PDE4D: variants seen among roughly 807,000 people sequenced by gnomAD.
The protein encoded by PDE4D is 3',5'-cyclic-AMP phosphodiesterase 4D.
PDE4D carries 24 observed loss-of-function variants against 87.4 expected under a neutral mutation model. That is an observed-to-expected ratio of 0.27 (90% confidence interval 0.20 to 0.39). The LOEUF (loss-of-function observed/expected upper bound fraction) is 0.39, where lower values mean the gene tolerates loss of function less well. Ranked by LOEUF, PDE4D falls within the 10% of genes least tolerant of loss-of-function variation. The pLI, the probability that PDE4D is intolerant of heterozygous loss-of-function variation, is 1.00. For synonymous variants in PDE4D, 384 were observed against 383.2 expected, an observed-to-expected ratio of 1.00 and a Z score of -0.02; for missense variants, 714 against 1,041.0, an observed-to-expected ratio of 0.69 and a Z score of 4.32.
Position 59,673,591 on chromosome 5 carries a change from C to T in PDE4D, c.455+219577G>A, listed in dbSNP as rs183454589. 2.2e-4 allele frequency among the ~76,000 whole-genome samples: 33 copies of T among 152,266 alleles called. No individual in the cohort carries two copies. The East Asian group carries it at 5.0e-3, about 23-fold the overall frequency. On this transcript the variant is annotated intron_variant, in intron 1 of 14. Coordinates refer to ENST00000340635, the MANE Select transcript of PDE4D (RefSeq NM_001104631.2). ...TTTCTATGTGAAATACTCAGAACTG[C>T]ACTTGCAAATTCCTGAGCAGCTTCA...
In PDE4D at chr5:59,078,245, G is replaced by T. The variant is rs72772205; in HGVS notation, c.809-39274C>A. Among the ~76,000 whole-genome samples the T allele has an allele frequency of 2.2e-3, 340 of 152,244 alleles. 1 individual carries two copies. Among genetic ancestry groups the T allele is most frequent in the Admixed American group, 6.0e-3 (91 of 15,286 alleles). ...ATAAACTTGATATACATACTATGCT[G>T]CAATTTAAGAAAACTGGTATAGATT... On this transcript the variant is annotated intron_variant, in intron 5 of 14. Coordinates refer to ENST00000340635, the MANE Select transcript of PDE4D (RefSeq NM_001104631.2).
intron 1 of PDE4D, among the ~76,000 whole-genome samples, chr5:59,282,592 G>A (rs200235928): frequency 1.5e-5 from 2 of 136,194 alleles, no homozygotes; most frequent in South Asian, 2.3e-4. Context: ...GCAGTGAGCC[G>A]AGATCGTGTC....
intron 5 of PDE4D, among the ~76,000 whole-genome samples, chr5:59,098,096 T>A (rs1293580269): frequency 6.6e-6 from 1 of 152,242 alleles, no homozygotes; most frequent in Non-Finnish European, 1.5e-5. Flanking sequence ...ATAAACTTTC[T>A]CTAATATAAT....
At chr5:60,404,161 C>CTTTTTTTTTTTT (rs35780128) in intron 1 of PDE4D, among the ~76,000 whole-genome samples, 2 of 119,398 alleles carry the variant, frequency 1.7e-5, no homozygotes, top group Non-Finnish European at 1.7e-5. Context: ...TCAGCCAATT[C>CTTTTTTTTTTTT]TTTTTTTTTT....
chr5:59,948,709 C>T (rs1000532872), intron 3 of PDE4D, among the ~76,000 whole-genome samples: 15 of 152,220 alleles, frequency 9.9e-5, no homozygotes, highest in African/African-American at 3.6e-4. Context: ...GAGATGCTTA[C>T]AACTTACTTG....
chr5:59,802,533 G>T (rs1272766114), intron 1 of PDE4D, among the ~76,000 whole-genome samples: 1 of 151,390 alleles, frequency 6.6e-6, no homozygotes, highest in East Asian at 1.9e-4. Context: ...CAAATAGCTG[G>T]GATTACAGGT....
chr5:60,051,060 A>G (rs1025603092), intron 2 of PDE4D, among the ~76,000 whole-genome samples: 1 of 152,232 alleles, frequency 6.6e-6, no homozygotes, highest in African/African-American at 2.4e-5. Context: ...AGAACTACAA[A>G]GAGACTTTTA....
intron 2 of PDE4D, among the ~76,000 whole-genome samples, chr5:60,044,741 C>T (rs1471259345): frequency 3.9e-5 from 6 of 152,194 alleles, no homozygotes; most frequent in Admixed American, 3.3e-4. Flanking sequence ...ATATGTGCCA[C>T]ATTTTCTTAA....
intron 1 of PDE4D, among the ~76,000 whole-genome samples, chr5:59,407,516 G>T (rs912625798): frequency 2.6e-5 from 4 of 152,210 alleles, no homozygotes; most frequent in Non-Finnish European, 4.4e-5. Flanking sequence ...AATGACATTG[G>T]AACTGGGTAA....
chr5:59,266,367 T>TGTTAAAGACTA (rs1355003147), intron 1 of PDE4D, among the ~76,000 whole-genome samples: 1 of 151,956 alleles, frequency 6.6e-6, no homozygotes, highest in Non-Finnish European at 1.5e-5. Flanking sequence ...TGACTGGAAA[T>TGTTAAAGACTA]GTTAAAGACT....
At chr5:59,945,973 C>T (rs766583516) in intron 3 of PDE4D, among the ~76,000 whole-genome samples, 8 of 152,170 alleles carry the variant, frequency 5.3e-5, no homozygotes, top group Non-Finnish European at 8.8e-5. Context: ...CATTTCACCA[C>T]CTAATCACTA....
chr5:60,234,730 GGTCTAT>G (rs1416876195), intron 1 of PDE4D, among the ~76,000 whole-genome samples: 8 of 151,856 alleles, frequency 5.3e-5, no homozygotes, highest in Admixed American at 4.6e-4. Context: ...ACTTGTTGTA[GGTCTAT>G]TTGGAATTTC....
intron 1 of PDE4D, among the ~76,000 whole-genome samples, chr5:59,671,151 G>T (rs537962741): frequency 1.3e-5 from 2 of 152,270 alleles, no homozygotes; most frequent in African/African-American, 4.8e-5. Flanking sequence ...TTCATGTCCT[G>T]TTATCAATAC....
chr5:59,182,817 T>C (rs961586672), intron 4 of PDE4D, among the ~76,000 whole-genome samples: 1 of 152,172 alleles, frequency 6.6e-6, no homozygotes, highest in Admixed American at 6.5e-5. Flanking sequence ...GAATAAAAAA[T>C]CTCAAGGGCA....
intron 2 of PDE4D, among the ~76,000 whole-genome samples, chr5:60,115,162 TG>T (rs1308607163): frequency 6.6e-6 from 1 of 152,144 alleles, no homozygotes; most frequent in African/African-American, 2.4e-5. Context: ...CTCCTATTCT[TG>T]TGTGGGGTAC....
intron 1 of PDE4D, among the ~76,000 whole-genome samples, chr5:59,565,207 G>C (rs1487856272): frequency 6.6e-6 from 1 of 152,072 alleles, no homozygotes; most frequent in Non-Finnish European, 1.5e-5. Flanking sequence ...GGTGAGACTG[G>C]AGGCCTGTAC....
chr5:59,833,889 A>T (rs752124009), intron 1 of PDE4D, among the ~76,000 whole-genome samples: 10 of 152,104 alleles, frequency 6.6e-5, no homozygotes, highest in Non-Finnish European at 5.9e-5. Context: ...TAAGGCAATA[A>T]TTTTGATCAA....
intron 1 of PDE4D, among the ~76,000 whole-genome samples, chr5:60,501,236 T>A (rs1750060412): frequency 6.6e-6 from 1 of 152,018 alleles, no homozygotes; most frequent in Non-Finnish European, 1.5e-5. Context: ...CACCTATGAG[T>A]AAGAATATGA....
intron 1 of PDE4D, among the ~76,000 whole-genome samples, chr5:59,282,498 C>A (rs1249791818): frequency 4.0e-5 from 6 of 151,706 alleles, no homozygotes; most frequent in Non-Finnish European, 5.9e-5. Context: ...CAAAACTTAG[C>A]TGGGTGTGGT....
Sources: gnomAD v4.1 joint callset for allele counts (sites outside exome capture counted in the v4.1 genomes callset) on GRCh38, gnomAD v4.1.1 for gene constraint, MANE v1.5 for transcripts, NCBI Gene and HGNC (gene_info 2026-07-23, HGNC 2026-07-21) for gene names.